The following USP36 variants were observed in gnomAD, a reference collection of about 807,000 sequenced individuals.
USP36 encodes the protein ubiquitin carboxyl-terminal hydrolase 36.
Under a neutral mutation model 111.5 loss-of-function variants are expected in USP36, and 59 were observed. That is an observed-to-expected ratio of 0.53 (90% CI 0.43 to 0.66). The LOEUF (loss-of-function observed/expected upper bound fraction) is 0.66. Among genes scored for constraint, USP36 ranks in the 30% least tolerant of loss-of-function variants. The pLI is 0.00. For missense variants in USP36, 1,488 were observed against 1,468.0 expected (o/e 1.01, Z -0.22); for synonymous variants, 628 against 581.0 (o/e 1.08, Z -1.16).
At chr17:78,820,452 G>A (rs2094292236) in intron 8 of USP36, among the ~76,000 whole-genome samples, 1 of 152,158 alleles carries the variant, frequency 6.6e-6, no homozygotes, top group Non-Finnish European at 1.5e-5. Context: ...CACAGAGCAA[G>A]ACCCTGTCCC....
chr17:78,833,134 C>T (rs180869133), intron 4 of USP36, among the ~76,000 whole-genome samples: 3 of 152,020 alleles, frequency 2.0e-5, no homozygotes, highest in African/African-American at 7.2e-5. Flanking sequence ...GGCGACAGAA[C>T]GAGACTCCAT....
chr17:78,805,351 G>A (rs763390617), intron 15 of USP36, among the ~76,000 whole-genome samples: 4 of 152,286 alleles, frequency 2.6e-5, no homozygotes, highest in Non-Finnish European at 5.9e-5. Context: ...CTTATGCTAG[G>A]TATAGGGCAG....
chr17:78,821,103 G>T (rs1471088949), intron 7 of USP36, 42 bp from the exon 8 acceptor site: 1 of 1,560,036 alleles, frequency 6.4e-7, no homozygotes, highest in Non-Finnish European at 8.7e-7. Context: ...GGGCCTGGCA[G>T]AGGCACTCCC....
Position 78,814,472 on chromosome 17 carries a change from A to G in USP36, c.1104T>C (p.Tyr368=). 1 of 1,614,222 alleles carries G rather than the reference A, an allele frequency of 6.2e-7. No individual in the cohort carries two copies. Among genetic ancestry groups the G allele is most frequent in the Middle Eastern group, 1.6e-4 (1 of 6,062 alleles). Residue 368 remains tyrosine (Y), a synonymous_variant, in exon 11 of 21, where the codon TAT becomes TAC. Transcript: ENST00000449938. ...TGTAGCCCGAGTGCACCAGGACAGC[A>G]TAGAGTCCATACATGACAGGATCAC... ...NNGDPVMYGL[Y]AVLVHSGYSC...
intron 7 of USP36, chr17:78,821,301 C>T: frequency 2.4e-6 from 1 of 423,430 alleles, no homozygotes; most frequent in South Asian, 2.2e-5. Context: ...GACTGCTGAC[C>T]ACCACGTGCG....
chr17:78,788,485 G>GT (rs1567895498), intron 3 of USP36, among the ~76,000 whole-genome samples: 1 of 152,126 alleles, frequency 6.6e-6, no homozygotes, highest in Non-Finnish European at 1.5e-5. Context: ...TCTAAAACAA[G>GT]TAATTCTATT....
Position 78,814,418 on chromosome 17 carries a change from G to A in USP36, c.1158C>T (p.Tyr386=), listed in dbSNP as rs139221124. ...YSCHAGHYYC[Y]VKASNGQWYQ... ...ACTGACACAAGCCTCTCACCTTCAC[G>A]TAGCAGTAATAGTGCCCGGCATGGC... Residue 386 remains tyrosine, a synonymous_variant, in exon 11 of 21, where the codon TAC becomes TAT. Transcript: ENST00000449938. 607 of 1,614,074 alleles carry A rather than the reference G, an allele frequency of 3.8e-4. 2 individuals carry two copies. In the African/African-American group the frequency reaches 6.8e-3, roughly 18 times the overall value.
At chr17:78,824,883 A>G (rs1026353008) in intron 6 of USP36, among the ~76,000 whole-genome samples, 1 of 151,966 alleles carries the variant, frequency 6.6e-6, no homozygotes, top group Non-Finnish European at 1.5e-5. Context: ...GACACTGGCC[A>G]TGGCAGAATT....
intron 5 of USP36, among the ~76,000 whole-genome samples, chr17:78,828,402 T>C (rs1020038301): frequency 5.9e-5 from 9 of 152,210 alleles, no homozygotes; most frequent in Non-Finnish European, 1.0e-4. Context: ...ATATTCAGAA[T>C]GGAATTGGTA....
chr17:78,831,719 G>A (rs2068132340), intron 4 of USP36, among the ~76,000 whole-genome samples: 1 of 151,878 alleles, frequency 6.6e-6, no homozygotes, highest in Admixed American at 6.6e-5. Context: ...GACGCAGGAG[G>A]ATCGCTGAGC....
rs369086826 is a variant in USP36 at position 78,813,925 on chromosome 17, T to C, written c.1165-52A>G. 32 of 1,492,892 alleles carry C rather than the reference T, an allele frequency of 2.1e-5. 4 individuals carry two copies. Among genetic ancestry groups the C allele is most frequent in the East Asian group, 6.9e-5 (3 of 43,730 alleles). 92.5% of individuals were successfully genotyped at this position (1,492,892 alleles called of 1,614,324 possible). On this transcript the variant is annotated intron_variant, in intron 11 of 20. Transcript: ENST00000449938. Reference sequence around the variant, plus strand: ...AACAAAACAATCAACAAGCATCCCATTATCCTCACTTTTTAAAAAGGGAAT... The same window carrying C: ...AACAAAACAATCAACAAGCATCCCACTATCCTCACTTTTTAAAAAGGGAAT...
At position 78,813,130 on chromosome 17, in the gene USP36, T is replaced by A. The variant is rs982399852; in HGVS notation, c.1266-129A>T. On this transcript the variant is annotated intron_variant, in intron 12 of 20. Transcript: ENST00000449938. Reference sequence around the variant, plus strand: ...GGGAAACCCTGCCAGTCCTAACCACTTCTCTGGAATCTCCCTTTGCCTTTC... The same window carrying A: ...GGGAAACCCTGCCAGTCCTAACCACATCTCTGGAATCTCCCTTTGCCTTTC... 2.6e-6 allele frequency: 3 copies of A among 1,165,684 alleles called. No individual in the cohort carries two copies. The African/African-American group carries it at 4.6e-5, about 18-fold the overall frequency. The allele number at this position is 1,165,684 out of a possible 1,614,324, so 72.2% of individuals were successfully genotyped here. A position where few individuals can be genotyped will look rare whatever the true frequency, so the allele number is the denominator to read the frequency against.
At chr17:78,828,492 C>T (rs1461553131) in intron 5 of USP36, among the ~76,000 whole-genome samples, 1 of 152,178 alleles carries the variant, frequency 6.6e-6, no homozygotes, top group African/African-American at 2.4e-5. Context: ...CCTCCACCTG[C>T]CCAAAGGAAA....
chr17:78,837,354 G>C (rs1033952462), intron 2 of USP36, among the ~76,000 whole-genome samples: 4 of 152,038 alleles, frequency 2.6e-5, no homozygotes, highest in Non-Finnish European at 5.9e-5. Context: ...AGCCAAGCAG[G>C]AGAGTGGGGA....
At chr17:78,804,495 CA>C (rs10590690) in intron 15 of USP36, among the ~76,000 whole-genome samples, 35,707 of 136,062 alleles carry the variant, frequency 0.26, 4,398 homozygotes, top group Admixed American at 0.34. Flanking sequence ...AAAACAAAAA[CA>C]AAAAAAAAAA....
chr17:78,828,390 T>C (rs988614351), intron 5 of USP36, among the ~76,000 whole-genome samples: 2 of 152,214 alleles, frequency 1.3e-5, no homozygotes, highest in Non-Finnish European at 2.9e-5. Flanking sequence ...AACTGATTCC[T>C]GATATTCAGA....
In USP36 at chr17:78,836,276, A is replaced by C; in HGVS notation, c.88T>G (p.Ser30Ala). The C allele has an allele frequency of 6.2e-7, 1 of 1,614,098 alleles. No homozygotes were observed. The highest frequency in any genetic ancestry group is 1.3e-5 in the African/African-American group (1 of 75,016). The change falls in exon 3 of 21, where the codon TCC (serine) becomes GCC (alanine). Residue 30 changes from serine (S) to alanine (A), a missense_variant. By Grantham distance (99) the Ser-to-Ala change is moderately conservative. This residue lies in a region of USP36 where 219 missense variants were observed against 209.5 expected (regional missense o/e 1.05). Transcript: ENST00000449938. ...TGTAAAAGGACCTTCTTGGCAGAGG[A>C]GGCAAGAAGCTTCCCCAGTTCTCCA... Reference protein sequence around the residue: ...DDGELGKLLASSAKKVLLQKI... With the variant: ...DDGELGKLLAASAKKVLLQKI...
chr17:78,818,211 T>C (rs1472068829), intron 10 of USP36, among the ~76,000 whole-genome samples: 1 of 152,130 alleles, frequency 6.6e-6, no homozygotes, highest in Middle Eastern at 3.2e-3. Flanking sequence ...ACATGGACAA[T>C]GCAAGTCCCA....
chr17:78,831,341 G>A (rs1294993595), intron 4 of USP36, among the ~76,000 whole-genome samples: 1 of 151,336 alleles, frequency 6.6e-6, no homozygotes, highest in East Asian at 1.9e-4. Flanking sequence ...AAATGGCCAT[G>A]GGGGCCCACA....
Sources: allele counts gnomAD v4.1 joint callset (sites outside exome capture counted in the v4.1 genomes callset), GRCh38; gene constraint gnomAD v4.1.1; regional missense constraint gnomAD v4.1.1; transcripts MANE v1.5; gene names NCBI Gene and HGNC (gene_info 2026-07-23, HGNC 2026-07-21).